Variants in PRKACB observed in about 807,000 individuals in gnomAD.
PRKACB encodes the protein protein kinase cAMP-activated catalytic subunit beta.
Under a neutral mutation model 51.4 loss-of-function variants are expected in PRKACB, and 16 were observed. That is an observed-to-expected ratio of 0.31 (90% CI 0.21 to 0.47). PRKACB has a LOEUF of 0.47. PRKACB is among the 20% of genes least tolerant of loss of function. The pLI is 1.00. For synonymous variants in PRKACB, 147 were observed against 154.4 expected (o/e 0.95, Z 0.35); for missense variants, 309 against 464.5 (o/e 0.67, Z 3.08).
At chr1:84,121,354 G>A (rs1651053875) in intron 1 of PRKACB, among the ~76,000 whole-genome samples, 1 of 151,244 alleles carries the variant, frequency 6.6e-6, no homozygotes, top group African/African-American at 2.4e-5. Context: ...TGAAAAAGGA[G>A]GTACTCCTCA....
At chr1:84,158,027 GT>G (rs1655719493) in intron 1 of PRKACB, among the ~76,000 whole-genome samples, 1 of 151,440 alleles carries the variant, frequency 6.6e-6, no homozygotes, top group African/African-American at 2.4e-5. Context: ...GAGGGTTCCA[GT>G]TTTTTCACAT....
intron 1 of PRKACB, among the ~76,000 whole-genome samples, chr1:84,124,046 T>A (rs1651331838): frequency 6.6e-6 from 1 of 152,204 alleles, no homozygotes; most frequent in African/African-American, 2.4e-5. Flanking sequence ...ACTCATCTTT[T>A]AGATACCTAA....
intron 1 of PRKACB, among the ~76,000 whole-genome samples, chr1:84,126,340 G>C (rs1308816520): frequency 6.6e-5 from 10 of 152,200 alleles, no homozygotes; most frequent in Non-Finnish European, 1.5e-4. Context: ...GCTCTTGGCA[G>C]GATGGGGAGC....
chr1:84,150,895 A>G (rs1654778663), intron 1 of PRKACB, among the ~76,000 whole-genome samples: 2 of 152,208 alleles, frequency 1.3e-5, no homozygotes, highest in South Asian at 4.1e-4. Flanking sequence ...TCCATTCTTA[A>G]TAAGTTGACA....
intron 7 of PRKACB, among the ~76,000 whole-genome samples, chr1:84,201,047 T>G (rs1669965792): frequency 6.6e-6 from 1 of 152,144 alleles, no homozygotes; most frequent in Non-Finnish European, 1.5e-5. Flanking sequence ...TTATTTTACA[T>G]TATTTCCTTA....
chr1:84,181,803 T>C, intron 2 of PRKACB: 1 of 1,021,732 alleles, frequency 9.8e-7, no homozygotes. Context: ...ATTAAGTCTG[T>C]ATGGCTTCTA....
chr1:84,207,256 C>T (rs750853256), intron 8 of PRKACB, among the ~76,000 whole-genome samples: 2 of 152,134 alleles, frequency 1.3e-5, no homozygotes, highest in Non-Finnish European at 2.9e-5. Flanking sequence ...GATCATAATC[C>T]TCTGCAACCT....
chr1:84,099,354 G>A (rs974418529), intron 1 of PRKACB, among the ~76,000 whole-genome samples: 4 of 137,020 alleles, frequency 2.9e-5, no homozygotes, highest in African/African-American at 5.1e-5. Flanking sequence ...TTGTATAGTC[G>A]AAGACATAGT....
chr1:84,113,327 G>A (rs1002414959), intron 1 of PRKACB, among the ~76,000 whole-genome samples: 1 of 152,104 alleles, frequency 6.6e-6, no homozygotes. Flanking sequence ...CTTCTGAGTA[G>A]AAACACTTAT....
At chr1:84,212,678 C>G (rs1275029344) in intron 8 of PRKACB, among the ~76,000 whole-genome samples, 1 of 152,046 alleles carries the variant, frequency 6.6e-6, no homozygotes, top group Non-Finnish European at 1.5e-5. Flanking sequence ...GGAGTTAATA[C>G]CATATTCACT....
chr1:84,140,649 G>A (rs116459547), upstream of PRKACB, among the ~76,000 whole-genome samples: 1,507 of 152,154 alleles, frequency 9.9e-3, 22 homozygotes, highest in Non-Finnish European at 0.013. Flanking sequence ...GGCTATAGGT[G>A]ACCGTCTTAA....
At chr1:84,111,635 C>T (rs1164870417) in intron 1 of PRKACB, among the ~76,000 whole-genome samples, 1 of 151,756 alleles carries the variant, frequency 6.6e-6, no homozygotes, top group Non-Finnish European at 1.5e-5. Flanking sequence ...ATATTTTAAG[C>T]TATAATTCCT....
At chr1:84,108,097 C>T (rs2100833139) in intron 1 of PRKACB, among the ~76,000 whole-genome samples, 1 of 152,154 alleles carries the variant, frequency 6.6e-6, no homozygotes, top group South Asian at 2.1e-4. Context: ...CAATGGTAGA[C>T]TGGATAAAGA....
At chr1:84,216,222 C>T (rs776606726) in intron 9 of PRKACB, among the ~76,000 whole-genome samples, 6 of 152,042 alleles carry the variant, frequency 3.9e-5, no homozygotes, top group Non-Finnish European at 7.4e-5. Flanking sequence ...CCCTGTAATC[C>T]GAGCTACTTG....
chr1:84,168,230 G>C (rs758224483), intron 1 of PRKACB, among the ~76,000 whole-genome samples: 2 of 151,522 alleles, frequency 1.3e-5, no homozygotes, highest in Non-Finnish European at 3.0e-5. Context: ...AATCATAACA[G>C]TACCTTTCTC....
chr1:84,190,651 G>A (rs1242226705), intron 5 of PRKACB, among the ~76,000 whole-genome samples: 1 of 152,014 alleles, frequency 6.6e-6, no homozygotes, highest in Non-Finnish European at 1.5e-5. Context: ...AAATTTATCA[G>A]AGGCAAATAT....
chr1:84,139,295 AAAG>A (rs1164703343), upstream of PRKACB, among the ~76,000 whole-genome samples: 2 of 152,188 alleles, frequency 1.3e-5, no homozygotes, highest in Non-Finnish European at 2.9e-5. Flanking sequence ...AAATCTATAA[AAAG>A]AAAGTCTCCT....
intron 9 of PRKACB, among the ~76,000 whole-genome samples, chr1:84,225,276 A>T (rs553222132): frequency 7.0e-4 from 106 of 152,258 alleles, no homozygotes; most frequent in African/African-American, 2.5e-3. Flanking sequence ...AAGGTGCTGC[A>T]AGTACCTGGC....
intron 1 of PRKACB, among the ~76,000 whole-genome samples, chr1:84,086,585 C>G (rs903694002): frequency 1.3e-5 from 2 of 152,198 alleles, no homozygotes; most frequent in African/African-American, 4.8e-5. Flanking sequence ...TCTTCTGCCA[C>G]CTGCATTTCT....
Sources: allele counts gnomAD v4.1 joint callset (sites outside exome capture counted in the v4.1 genomes callset), GRCh38; gene constraint gnomAD v4.1.1; transcripts MANE v1.5; gene names NCBI Gene and HGNC (gene_info 2026-07-23, HGNC 2026-07-21).